Variants in AARS1 observed in about 807,000 individuals in gnomAD.
AARS1 encodes alanine--tRNA ligase, cytoplasmic.
A neutral mutation model predicts 108.9 loss-of-function variants in AARS1; 72 were observed. The ratio of observed to expected loss-of-function variants is 0.66; its 90% CI spans 0.55 to 0.80. The LOEUF (loss-of-function observed/expected upper bound fraction) is 0.80, where lower values mean the gene tolerates loss of function less well. AARS1 is among the 30% of genes least tolerant of loss of function. AARS1 has a pLI of 0.00. For synonymous variants in AARS1, 489 were observed against 465.7 expected (o/e 1.05, Z -0.64); for missense variants, 1,193 against 1,233.2 (o/e 0.97, Z 0.49).
chr16:70,275,401 G>A (rs1960514864), intron 4 of AARS1, among the ~76,000 whole-genome samples: 1 of 151,932 alleles, frequency 6.6e-6, no homozygotes, highest in Non-Finnish European at 1.5e-5. Flanking sequence ...AGATCACGAG[G>A]TCAGGAGATC....
chr16:70,285,216 G>A (rs1320729874), intron 1 of AARS1, among the ~76,000 whole-genome samples: 2 of 150,364 alleles, frequency 1.3e-5, no homozygotes, highest in Admixed American at 1.3e-4. Flanking sequence ...GTGGCTGAGG[G>A]AGACTCCGTC....
intron 2 of AARS1, 102 bp from the exon 3 acceptor site, chr16:70,277,256 A>G: frequency 1.7e-6 from 2 of 1,192,536 alleles, no homozygotes; most frequent in Middle Eastern, 5.3e-4. Flanking sequence ...TGTGCAGTTC[A>G]TGATTAACAT....
At chr16:70,254,823 T>C (rs1597433395) in intron 16 of AARS1, 89 bp from the exon 17 acceptor site, 1 of 871,186 alleles carries the variant, frequency 1.1e-6, no homozygotes, top group Non-Finnish European at 1.9e-6. Context: ...GCCCCGGCGG[T>C]AGGCCTTGCA....
chr16:70,253,387 G>A lies in AARS1; in HGVS notation c.2608-6C>T. On this transcript the variant is annotated splice_region_variant and splice_polypyrimidine_tract_variant and intron_variant, in intron 19 of 20. Transcript: ENST00000261772. ...TTCAAGGCTTCATTCAGGGCCTGTG[G>A]GGAGGACCTGGCTCAGGCCACGGTG... 1 of 1,606,528 alleles carries A rather than the reference G, an allele frequency of 6.2e-7. No individual in the cohort carries two copies. Among genetic ancestry groups the A allele is most frequent in the Non-Finnish European group, 8.5e-7 (1 of 1,173,250 alleles).
rs751472610 is a variant in AARS1, at chr16:70,271,980, A to C, written c.480-8T>G. The C allele has an allele frequency of 1.2e-6, 2 of 1,613,464 alleles. No homozygotes were observed. Among genetic ancestry groups the C allele is most frequent in the Non-Finnish European group, 1.7e-6 (2 of 1,179,530 alleles). Reference sequence around the variant, plus strand: ...ATTTTGGTGTCATCCAGCCTGACAAAGGAGTAAAGATAAGTCCAGTTACAG... The same window carrying C: ...ATTTTGGTGTCATCCAGCCTGACAACGGAGTAAAGATAAGTCCAGTTACAG... On this transcript the variant is annotated splice_region_variant and splice_polypyrimidine_tract_variant and intron_variant, in intron 4 of 20. Transcript: ENST00000261772.
At chr16:70,260,508 G>A (rs1454557317) in intron 13 of AARS1, among the ~76,000 whole-genome samples, 4 of 152,170 alleles carry the variant, frequency 2.6e-5, no homozygotes, top group African/African-American at 7.2e-5. Flanking sequence ...AAAGCAATCC[G>A]TGAAAACAAG....
At chr16:70,253,435 T>A in intron 19 of AARS1, 54 bp from the exon 20 acceptor site, 2 of 1,427,654 alleles carry the variant, frequency 1.4e-6, no homozygotes, top group Admixed American at 1.7e-5. Context: ...CCCTCACTAG[T>A]GTGAGCATTT....
Position 70,277,005 on chromosome 16 carries a change from G to A in AARS1, c.294C>T (p.Phe98=), listed in dbSNP as rs1251229327. The A allele has an allele frequency of 5.0e-6, 8 of 1,614,106 alleles. No homozygotes were observed. Among genetic ancestry groups the A allele is most frequent in the Admixed American group, 3.3e-5 (2 of 59,982 alleles). ...CAAAAGACCAAGAGCCCAGCATCTC[G>A]AAGAAGGTGTGATGATAGACATCCT... The part of the protein sequence containing the change: ...VGKDVYHHTF[F]EMLGSWSFGD... The change falls in exon 3 of 21, where the codon TTC becomes TTT. Residue 98 remains phenylalanine, a synonymous_variant. Coordinates refer to ENST00000261772, the MANE Select transcript of AARS1 (RefSeq NM_001605.3).
At chr16:70,282,391 G>A (rs1175589705) in intron 2 of AARS1, among the ~76,000 whole-genome samples, 3 of 148,662 alleles carry the variant, frequency 2.0e-5, no homozygotes, top group Non-Finnish European at 3.0e-5. Flanking sequence ...GCGAAATACC[G>A]TGCTAAACAT....
intron 14 of AARS1, among the ~76,000 whole-genome samples, chr16:70,258,773 T>C (rs1422724647): frequency 1.3e-5 from 2 of 152,108 alleles, no homozygotes; most frequent in Non-Finnish European, 2.9e-5. Flanking sequence ...GCCAGGATGG[T>C]CTCAATCTCC....
chr16:70,271,703 G>A lies in AARS1; in HGVS notation c.671+78C>T, dbSNP rs114484755. 2,754 of 1,423,566 alleles carry A rather than the reference G, an allele frequency of 1.9e-3. 45 individuals are homozygous for A. In the African/African-American group the frequency reaches 0.035, roughly 18 times the overall value. 88.2% of individuals were successfully genotyped at this position (1,423,566 alleles called of 1,614,324 possible). A position where few individuals can be genotyped will look rare whatever the true frequency, so the allele number is the denominator to read the frequency against. ...AATAAAGAAATGAGCTTTTAGCTGA[G>A]AAGAGAGCTACACAGCTCCGAGTTC... On this transcript the variant is annotated intron_variant, in intron 5 of 20. Transcript: ENST00000261772.
At chr16:70,265,715 G>A (rs1297868317) in intron 9 of AARS1, 53 bp from the exon 10 acceptor site, 25 of 1,607,070 alleles carry the variant, frequency 1.6e-5, no homozygotes, top group Non-Finnish European at 1.3e-5. Flanking sequence ...CCTTTTCCAT[G>A]CCAAGCCCTC....
chr16:70,259,669 G>C (rs1960086875), intron 13 of AARS1, among the ~76,000 whole-genome samples: 1 of 151,862 alleles, frequency 6.6e-6, no homozygotes, highest in African/African-American at 2.4e-5. Flanking sequence ...TTTTTTTGTA[G>C]AGATGGGGTC....
chr16:70,264,970 T>C lies in AARS1; in HGVS notation c.1480A>G (p.Ser494Gly). Residue 494 changes from serine to glycine, a missense_variant, in exon 11 of 21, where the codon AGT becomes GGT. Ser to Gly is a moderately conservative substitution (Grantham distance 56, BLOSUM62 0). Coordinates refer to ENST00000261772, the MANE Select transcript of AARS1 (RefSeq NM_001605.3). ...CACAGCAACATACCATAGCTACCAC[T>C]GGAGTCCAAATGGTAATTGTACTTT... The part of the protein sequence containing the change: ...SPKYNYHLDS[S>G]GSYVFENTVA... 6.2e-7 allele frequency: 1 copy of C among 1,614,114 alleles called. No individual in the cohort carries two copies. The highest frequency in any genetic ancestry group is 8.5e-7 in the Non-Finnish European group (1 of 1,180,032).
intron 16 of AARS1, among the ~76,000 whole-genome samples, chr16:70,255,004 C>T (rs1959946041): frequency 6.6e-6 from 1 of 152,050 alleles, no homozygotes; most frequent in Admixed American, 6.5e-5. Context: ...GAAGTGGCCA[C>T]CCCTGGGGCT....
rs1959931902 is a variant in AARS1 at position 70,254,625 on chromosome 16, C to A, written c.2396G>T (p.Gly799Val). 2 of 1,613,068 alleles carry A rather than the reference C, an allele frequency of 1.2e-6. No homozygotes were observed. The highest frequency in any genetic ancestry group is 8.5e-7 in the Non-Finnish European group (1 of 1,179,214). The change falls in exon 17 of 21, where the codon GGA (glycine) becomes GTA (valine). Residue 799 changes from glycine to valine, a missense_variant. Gly to Val is a moderately radical substitution (Grantham distance 109, BLOSUM62 -3). Coordinates refer to ENST00000261772, the MANE Select transcript of AARS1 (RefSeq NM_001605.3). Reference protein sequence around the residue: ...KDVQREIADLGEALATAVIPQ... With the variant: ...KDVQREIADLVEALATAVIPQ... Reference sequence around the variant, plus strand: ...AGGGAGGGAAGCCGCCCCTACCTCTCCAAGGTCAGCGATCTCCCTCTGCAC... The same window carrying A: ...AGGGAGGGAAGCCGCCCCTACCTCTACAAGGTCAGCGATCTCCCTCTGCAC...
chr16:70,268,309 A>T lies in AARS1; in HGVS notation c.1033T>A (p.Phe345Ile), dbSNP rs1158266580. 16 of 1,614,194 alleles carry T rather than the reference A, an allele frequency of 9.9e-6. No individual in the cohort carries two copies. The highest frequency in any genetic ancestry group is 1.4e-5 in the Non-Finnish European group (16 of 1,180,030). The change falls in exon 8 of 21, where the codon TTC becomes ATC. Residue 345 changes from phenylalanine to isoleucine, a missense_variant. Transcript: ENST00000261772. ...AHEKLNASRG[F>I]FATLVDVVVQ... ...ACAACATCCACTAACGTAGCAAAGA[A>T]GCCCCTGCTGGCATTGAGCTTTTCA...
Position 70,255,725 on chromosome 16 carries a change from C to T in AARS1, c.2286+3G>A. 6.2e-7 allele frequency: 1 copy of T among 1,614,008 alleles called. No individual in the cohort carries two copies. The highest frequency in any genetic ancestry group is 8.5e-7 in the Non-Finnish European group (1 of 1,179,888). On this transcript the variant is annotated splice_donor_region_variant and intron_variant, in intron 16 of 20. Transcript: ENST00000261772. ...AAGCCACAAACCAGCCTGACCTGCT[C>T]ACCTTCTGGGCCTCGGCACCTGTGA...
At position 70,253,781 on chromosome 16, in the gene AARS1, T is replaced by G; in HGVS notation, c.2540A>C (p.Gln847Pro). Residue 847 changes from glutamine (Q) to proline (P), a missense_variant, in exon 19 of 21, where the codon CAG becomes CCG. By Grantham distance (76) the Gln-to-Pro change is moderately conservative. Transcript: ENST00000261772. The stretch of plus-strand genomic sequence containing the variant: ...CTGGTTGGGGTTGCTGTCGATGAAC[T>G]GCTTCGTCTTCTCTAACACCTGCAA... ...VQKRVLEKTK[Q>P]FIDSNPNQPL... The G allele has an allele frequency of 6.2e-7, 1 of 1,614,212 alleles. No homozygotes were observed. Among genetic ancestry groups the G allele is most frequent in the Non-Finnish European group, 8.5e-7 (1 of 1,180,048 alleles).
Sources: allele counts gnomAD v4.1 joint callset (sites outside exome capture counted in the v4.1 genomes callset), GRCh38; gene constraint gnomAD v4.1.1; transcripts MANE v1.5; gene names NCBI Gene and HGNC (gene_info 2026-07-23, HGNC 2026-07-21).